Variants in FBXL17 observed in about 807,000 individuals in gnomAD.
The protein encoded by FBXL17 is F-box/LRR-repeat protein 17.
In FBXL17, 22 loss-of-function variants were observed where a neutral mutation model predicts 66.2. The ratio of observed to expected loss-of-function variants is 0.33; its 90% confidence interval spans 0.24 to 0.47. The LOEUF is 0.47. Ranked by LOEUF, FBXL17 falls within the 20% of genes least tolerant of loss-of-function variation. The pLI, the probability that FBXL17 is intolerant of heterozygous loss-of-function variation, is 1.00. For missense variants in FBXL17, 878 were observed against 948.2 expected (o/e 0.93, Z 0.97); for synonymous variants, 474 against 400.5 (o/e 1.18, Z -2.19).
chr5:108,142,019 G>C (rs535460156), intron 6 of FBXL17, among the ~76,000 whole-genome samples: 1 of 152,272 alleles, frequency 6.6e-6, no homozygotes, highest in East Asian at 1.9e-4. Context: ...TCTCCTACTA[G>C]AATGTCAGCT....
chr5:108,225,568 A>C (rs2150078174), intron 4 of FBXL17, among the ~76,000 whole-genome samples: 1 of 152,316 alleles, frequency 6.6e-6, no homozygotes, highest in East Asian at 1.9e-4. Context: ...GAGTGCCAGA[A>C]GTTAGGCAAG....
intron 7 of FBXL17, among the ~76,000 whole-genome samples, chr5:107,968,827 GT>G (rs1447569576): frequency 6.6e-6 from 1 of 151,986 alleles, no homozygotes; most frequent in Non-Finnish European, 1.5e-5. Flanking sequence ...TGATAAGCTA[GT>G]TTTTTTCCTT....
rs73780442 is a variant in FBXL17 at position 107,863,216 on chromosome 5, G to A, written c.1966-1356C>T. 8.2e-3 allele frequency among the ~76,000 whole-genome samples: 1,249 copies of A among 151,438 alleles called. 32 individuals carry two copies. Among genetic ancestry groups the A allele is most frequent in the African/African-American group, 0.029 (1,186 of 41,442 alleles). On this transcript the variant is annotated intron_variant, in intron 8 of 8. Coordinates refer to ENST00000542267, the MANE Select transcript of FBXL17 (RefSeq NM_001163315.3). ...GATGAATTTAATATAATTTAAATGC[G>A]TGCTCTAAGTCTAGAGTTCAGACAG...
At chr5:108,244,302 T>C (rs1299660355) in intron 4 of FBXL17, among the ~76,000 whole-genome samples, 1 of 152,192 alleles carries the variant, frequency 6.6e-6, no homozygotes, top group Non-Finnish European at 1.5e-5. Context: ...AAATCAGTAA[T>C]ATTAAACTTT....
intron 6 of FBXL17, among the ~76,000 whole-genome samples, chr5:108,029,668 TA>T (rs903338639): frequency 6.6e-6 from 1 of 152,074 alleles, no homozygotes; most frequent in Non-Finnish European, 1.5e-5. Flanking sequence ...ATGTGGACTA[TA>T]TTTAAAAAAG....
intron 6 of FBXL17, among the ~76,000 whole-genome samples, chr5:108,099,151 C>T (rs1749504139): frequency 6.6e-6 from 1 of 152,038 alleles, no homozygotes; most frequent in Admixed American, 6.5e-5. Context: ...TGCCCATCCC[C>T]CAACTAAGCA....
chr5:107,988,028 C>T (rs1296472163), intron 7 of FBXL17, among the ~76,000 whole-genome samples: 1 of 151,898 alleles, frequency 6.6e-6, no homozygotes, highest in African/African-American at 2.4e-5. Context: ...AAAACGAACA[C>T]ACAAAATCTA....
At chr5:108,377,844 T>TA (rs1264115916) in intron 1 of FBXL17, among the ~76,000 whole-genome samples, 1 of 152,228 alleles carries the variant, frequency 6.6e-6, no homozygotes, top group Non-Finnish European at 1.5e-5. Context: ...TATGTGGTCT[T>TA]AAAGGGCTAA....
intron 7 of FBXL17, among the ~76,000 whole-genome samples, chr5:107,940,055 C>T (rs1314842160): frequency 6.6e-6 from 1 of 152,104 alleles, no homozygotes; most frequent in East Asian, 1.9e-4. Context: ...ATTTCAGTCT[C>T]ACAAGCCTCT....
At chr5:107,885,652 G>C (rs571854057) in intron 7 of FBXL17, among the ~76,000 whole-genome samples, 77 of 152,194 alleles carry the variant, frequency 5.1e-4, no homozygotes, top group Middle Eastern at 3.4e-3. Context: ...TAAAACAAAA[G>C]CAGAGGCCAA....
At chr5:108,073,639 T>C (rs556949522) in intron 6 of FBXL17, among the ~76,000 whole-genome samples, 1 of 152,320 alleles carries the variant, frequency 6.6e-6, no homozygotes, top group South Asian at 2.1e-4. Flanking sequence ...GGCTTTACAG[T>C]ACACTATAAA....
intron 6 of FBXL17, among the ~76,000 whole-genome samples, chr5:108,158,795 C>T (rs1396029204): frequency 6.6e-6 from 1 of 151,976 alleles, no homozygotes; most frequent in African/African-American, 2.4e-5. Flanking sequence ...AAACTAGGCT[C>T]AGTAGGAAGT....
chr5:108,267,923 T>G (rs1757112500), intron 4 of FBXL17, among the ~76,000 whole-genome samples: 1 of 152,092 alleles, frequency 6.6e-6, no homozygotes, highest in Admixed American at 6.5e-5. Flanking sequence ...TTTCTAAATT[T>G]TATTATTAAT....
chr5:108,039,692 G>A (rs1215336322), intron 6 of FBXL17, among the ~76,000 whole-genome samples: 1 of 152,082 alleles, frequency 6.6e-6, no homozygotes, highest in East Asian at 1.9e-4. Flanking sequence ...ACAATTCTGA[G>A]TTTTATTCAT....
At position 108,381,025 on chromosome 5, in the gene FBXL17, C is replaced by CGCCGCCGCA. The variant is rs1749857374; in HGVS notation, c.658_666dup (p.Cys220_Gly222dup). 2 of 1,190,784 alleles carry CGCCGCCGCA rather than the reference C, an allele frequency of 1.7e-6. No homozygotes were observed. The highest frequency in any genetic ancestry group is 9.0e-5 in the Admixed American group (2 of 22,162). The allele number at this position is 1,190,784 out of a possible 1,614,324, so 73.8% of individuals were successfully genotyped here. On this transcript the variant is annotated inframe_insertion, in exon 1 of 9. Transcript: ENST00000542267. ...CCTCCCCCGCCACCGCCGCCGCCGCCGCCGCCGCAGCCCCCGCCGCCGCAG... is the reference window on the plus strand; with the variant it reads ...CCTCCCCCGCCACCGCCGCCGCCGCCGCCGCCGCAGCCGCCGCAGCCCCCGCCGCCGCAG...
At chr5:108,272,408 C>A (rs1757314234) in intron 4 of FBXL17, among the ~76,000 whole-genome samples, 1 of 150,770 alleles carries the variant, frequency 6.6e-6, no homozygotes, top group Non-Finnish European at 1.5e-5. Flanking sequence ...GGCTGGATTG[C>A]AGTGGCACAA....
At chr5:108,212,684 A>T (rs1157473741) in intron 5 of FBXL17, among the ~76,000 whole-genome samples, 1 of 152,166 alleles carries the variant, frequency 6.6e-6, no homozygotes, top group Non-Finnish European at 1.5e-5. Flanking sequence ...TTTCCTCAGG[A>T]AGCTTCGTCC....
chr5:108,292,666 CT>C (rs1261917629), intron 4 of FBXL17, among the ~76,000 whole-genome samples: 44 of 152,326 alleles, frequency 2.9e-4, no homozygotes, highest in African/African-American at 1.1e-3. Context: ...CTCGAAGTGT[CT>C]TTTCAATCAT....
chr5:108,127,137 C>G (rs897046693), intron 6 of FBXL17, among the ~76,000 whole-genome samples: 3 of 152,136 alleles, frequency 2.0e-5, no homozygotes, highest in East Asian at 1.9e-4. Flanking sequence ...AAGATATGCA[C>G]ATGAAATTTT....
Sources: gnomAD v4.1 joint callset for allele counts (sites outside exome capture counted in the v4.1 genomes callset) on GRCh38, gnomAD v4.1.1 for gene constraint, MANE v1.5 for transcripts, NCBI Gene and HGNC (gene_info 2026-07-23, HGNC 2026-07-21) for gene names.